SLC26A3: variants seen among roughly 807,000 people sequenced by gnomAD.
SLC26A3 encodes solute carrier family 26 member 3.
Under a neutral mutation model 85.6 loss-of-function variants are expected in SLC26A3, and 64 were observed. That is an observed-to-expected ratio of 0.75 (90% CI 0.61 to 0.92). The LOEUF is 0.92. SLC26A3 is among the 40% of genes least tolerant of loss of function. SLC26A3 has a pLI of 0.00. For synonymous variants in SLC26A3, 349 were observed against 336.0 expected, an observed-to-expected ratio of 1.04 and a Z score of -0.42; for missense variants, 922 against 927.3, an observed-to-expected ratio of 0.99 and a Z score of 0.07.
At chr7:107,796,408 T>C (rs573301879) in intron 1 of SLC26A3, among the ~76,000 whole-genome samples, 1 of 152,262 alleles carries the variant, frequency 6.6e-6, no homozygotes, top group African/African-American at 2.4e-5. Flanking sequence ...GGTTATGACA[T>C]TTAGATCCTC....
intron 2 of SLC26A3, 31 bp downstream of exon 2, chr7:107,794,348 C>T (rs751261817): frequency 7.4e-6 from 12 of 1,612,010 alleles, no homozygotes; most frequent in Non-Finnish European, 1.0e-5. Flanking sequence ...AAAATGTATT[C>T]CTAATGCCAA....
At chr7:107,801,873 AG>A (rs1287676511) in intron 1 of SLC26A3, among the ~76,000 whole-genome samples, 1 of 148,776 alleles carries the variant, frequency 6.7e-6, no homozygotes, top group Non-Finnish European at 1.5e-5. Flanking sequence ...TGAGGTCAGG[AG>A]TTCGAGACCA....
At chr7:107,771,975 G>A in intron 18 of SLC26A3, 79 bp downstream of exon 18, 1 of 933,500 alleles carries the variant, frequency 1.1e-6, no homozygotes, top group Non-Finnish European at 1.8e-6. Context: ...CTCATTCTTT[G>A]GAGAGGCTGT....
chr7:107,782,597 C>T (rs1794230070), intron 11 of SLC26A3, among the ~76,000 whole-genome samples, 200 bp downstream of exon 11: 1 of 152,104 alleles, frequency 6.6e-6, no homozygotes, highest in Admixed American at 6.6e-5. Context: ...GCAGGTTGGG[C>T]ACCTGTGTTC....
chr7:107,791,391 C>A (rs1462988417), intron 4 of SLC26A3, among the ~76,000 whole-genome samples, 156 bp from the exon 5 acceptor site: 1 of 152,196 alleles, frequency 6.6e-6, no homozygotes, highest in Non-Finnish European at 1.5e-5. Context: ...GCGGGTGGAT[C>A]ACCTGAGGTC....
chr7:107,794,305 G>T, intron 2 of SLC26A3, 74 bp downstream of exon 2: 1 of 1,546,562 alleles, frequency 6.5e-7, no homozygotes, highest in Non-Finnish European at 8.9e-7. Flanking sequence ...AAGGAGAGTT[G>T]GAAAGTTAGA....
At position 107,794,476 on chromosome 7, in the gene SLC26A3, C is replaced by T; in HGVS notation, c.34G>A (p.Ala12Thr). ...GCATTTGTAGAATACACTGGCCTGG[C>T]CACAATATACTGATTCCCAAAGGGT... ...IEPFGNQYIVARPVYSTNAFE... is the reference protein window; with the variant it reads ...IEPFGNQYIVTRPVYSTNAFE... The change falls in exon 2 of 21, where the codon GCC becomes ACC. Residue 12 changes from alanine (A) to threonine (T), a missense_variant. Ala to Thr is a moderately conservative substitution (Grantham distance 58). Transcript: ENST00000340010. The T allele has an allele frequency of 6.2e-7, 1 of 1,613,982 alleles. No individual in the cohort carries two copies. Among genetic ancestry groups the T allele is most frequent in the Non-Finnish European group, 8.5e-7 (1 of 1,179,906 alleles).
intron 7 of SLC26A3, 145 bp from the exon 8 acceptor site, chr7:107,787,054 G>C: frequency 1.3e-6 from 1 of 794,738 alleles, no homozygotes. Flanking sequence ...AAGAAATTCG[G>C]AGGCAATTCT....
intron 6 of SLC26A3, among the ~76,000 whole-genome samples, chr7:107,788,566 A>G (rs144485393): frequency 2.6e-4 from 39 of 152,224 alleles, no homozygotes; most frequent in African/African-American, 8.9e-4. Flanking sequence ...TTTAAGAAAC[A>G]GTTTAAAACT....
intron 18 of SLC26A3, 89 bp downstream of exon 18, chr7:107,771,965 C>T (rs1584401497): frequency 1.2e-6 from 1 of 864,568 alleles, no homozygotes; most frequent in East Asian, 2.4e-5. Flanking sequence ...ATATAAAATA[C>T]TCATTCTTTG....
At chr7:107,790,211 C>T (rs1794369288) in intron 5 of SLC26A3, among the ~76,000 whole-genome samples, 1 of 152,084 alleles carries the variant, frequency 6.6e-6, no homozygotes, top group Non-Finnish European at 1.5e-5. Context: ...ATGGTTAATT[C>T]CCCCCTAAAG....
At chr7:107,771,594 G>A (rs769081685) in intron 18 of SLC26A3, among the ~76,000 whole-genome samples, 2 of 152,140 alleles carry the variant, frequency 1.3e-5, no homozygotes, top group Admixed American at 6.5e-5. Context: ...ATGCTAGAGA[G>A]AGTGCCAGAT....
intron 11 of SLC26A3, among the ~76,000 whole-genome samples, chr7:107,780,195 G>A (rs1794194596): frequency 7.2e-5 from 11 of 152,020 alleles, no homozygotes; most frequent in Admixed American, 7.2e-4. Context: ...GGAAGCTTGA[G>A]GTCCTGGAAT....
intron 8 of SLC26A3, among the ~76,000 whole-genome samples, chr7:107,786,612 C>T (rs1250086678): frequency 3.7e-5 from 4 of 107,220 alleles, no homozygotes; most frequent in South Asian, 3.1e-4. Flanking sequence ...TGTGGGGAGG[C>T]GAAAAAAAAA....
chr7:107,783,229 G>GT lies in SLC26A3; in HGVS notation c.1094dup (p.Tyr365Ter). 1 of 1,614,166 alleles carries GT rather than the reference G, an allele frequency of 6.2e-7. No homozygotes were observed. The highest frequency in any genetic ancestry group is 8.5e-7 in the Non-Finnish European group (1 of 1,180,020). The change falls in exon 9 of 21, where the codon TAC (tyrosine) becomes TAAC (stop). Residue 365 changes from tyrosine (Y) to a stop codon, truncating the protein, a stop_gained and frameshift_variant. Transcript: ENST00000340010. LOFTEE classifies it high-confidence loss of function. Reference protein sequence around the residue: ...FSVASVYSLKYDYPLDGNQEL... With the variant: ...FSVASVYSLK ...CCTGATTGCCATCAAGTGGATAATC[G>GT]TATTTGAGGGAATAGACGCTGGCAA...
chr7:107,773,859 C>A (rs1387184970), intron 17 of SLC26A3, 61 bp downstream of exon 17: 13 of 1,401,424 alleles, frequency 9.3e-6, no homozygotes, highest in Non-Finnish European at 1.2e-5. Flanking sequence ...CCCACAAATA[C>A]AATTTTTTTT....
chr7:107,779,478 A>G (rs575194264), intron 12 of SLC26A3, among the ~76,000 whole-genome samples, 190 bp downstream of exon 12: 11 of 152,358 alleles, frequency 7.2e-5, no homozygotes, highest in African/African-American at 2.4e-4. Context: ...ATTTAAAAAA[A>G]TTAAAGTCCC....
At position 107,767,893 on chromosome 7, in the gene SLC26A3, T is replaced by C. The variant is rs1246284922; in HGVS notation, c.2078A>G (p.Lys693Arg). 2 of 1,613,518 alleles carry C rather than the reference T, an allele frequency of 1.2e-6. No homozygotes were observed. The highest frequency in any genetic ancestry group is 2.7e-5 in the African/African-American group (2 of 74,910). The change falls in exon 19 of 21, where the codon AAG (lysine) becomes AGG (arginine). Residue 693 changes from lysine to arginine, a missense_variant. By Grantham distance (26) the Lys-to-Arg change is conservative. Coordinates refer to ENST00000340010, the MANE Select transcript of SLC26A3 (RefSeq NM_000111.3). ...ATCAAAAAATTCATACCGGTTAAGC[T>C]TCTCAATGAAGTCATCTGAAGAGAA... ...IVGTDDDFIE[K>R]LNRYEFFDGE...
At chr7:107,765,973 G>GT (rs372537936) in intron 20 of SLC26A3, 95 bp from the exon 21 acceptor site, 14,959 of 867,418 alleles carry the variant, frequency 0.017, no homozygotes, top group South Asian at 0.019. Context: ...GAGTTAACAG[G>GT]TTTTTTTTTT....
Sources: allele counts gnomAD v4.1 joint callset (sites outside exome capture counted in the v4.1 genomes callset), GRCh38; gene constraint gnomAD v4.1.1; transcripts MANE v1.5; gene names NCBI Gene and HGNC (gene_info 2026-07-23, HGNC 2026-07-21).